PLCH2: variants seen among roughly 807,000 people sequenced by gnomAD.
The protein encoded by PLCH2 is 1-phosphatidylinositol 4,5-bisphosphate phosphodiesterase eta-2.
A neutral mutation model predicts 134.7 loss-of-function variants in PLCH2; 98 were observed. The ratio of observed to expected loss-of-function variants is 0.73; its 90% confidence interval spans 0.62 to 0.86. The LOEUF is 0.86. Ranked by LOEUF, PLCH2 falls within the 40% of genes least tolerant of loss-of-function variation. The pLI, the probability that PLCH2 is intolerant of heterozygous loss-of-function variation, is 0.00. For missense variants in PLCH2, 1,994 were observed against 1,986.6 expected, an observed-to-expected ratio of 1.00 and a Z score of -0.07; for synonymous variants, 974 against 827.5, an observed-to-expected ratio of 1.18 and a Z score of -3.04.
Position 2,445,994 on chromosome 1 carries a change from C to T in PLCH2, c.115+15365C>T, listed in dbSNP as rs148697499. ...CCTGGCCCGAGCCCCATGCCAGAGCCCCAAGAGCTGCCTGCCACCTGCTCC... is the reference window on the plus strand; with the variant it reads ...CCTGGCCCGAGCCCCATGCCAGAGCTCCAAGAGCTGCCTGCCACCTGCTCC... On this transcript the variant is annotated intron_variant, in intron 2 of 3. Transcript: ENST00000609981. 1.2e-3 allele frequency among the ~76,000 whole-genome samples: 186 copies of T among 152,308 alleles called. 2 individuals carry two copies. In the East Asian group the frequency reaches 0.029, roughly 24 times the overall value.
intron 2 of PLCH2, among the ~76,000 whole-genome samples, chr1:2,452,531 G>T (rs1218700820): frequency 6.6e-6 from 1 of 152,196 alleles, no homozygotes; most frequent in Non-Finnish European, 1.5e-5. Flanking sequence ...GGTGAGGGCT[G>T]GTGCTGAGGT....
At chr1:2,491,488 G>A (rs966862083) in intron 11 of PLCH2, among the ~76,000 whole-genome samples, 153 bp downstream of exon 11, 2 of 152,198 alleles carry the variant, frequency 1.3e-5, no homozygotes, top group Non-Finnish European at 1.5e-5. Flanking sequence ...ACACACCTCC[G>A]CACACACCTG....
chr1:2,477,970 C>T (rs369024563), intron 1 of PLCH2, among the ~76,000 whole-genome samples: 29 of 152,280 alleles, frequency 1.9e-4, no homozygotes, highest in East Asian at 1.4e-3. Context: ...AGGCCCACCC[C>T]GCCCCTGACA....
intron 1 of PLCH2, among the ~76,000 whole-genome samples, chr1:2,468,726 C>T (rs926406488): frequency 2.6e-5 from 4 of 152,194 alleles, no homozygotes; most frequent in African/African-American, 9.7e-5. Flanking sequence ...GGCATGGACA[C>T]GTGGGGTGGG....
At chr1:2,423,533 C>T (rs1638627293), upstream of PLCH2, among the ~76,000 whole-genome samples, 1 of 152,078 alleles carries the variant, frequency 6.6e-6, no homozygotes, top group Admixed American at 6.6e-5. Flanking sequence ...CCCTCAAATC[C>T]ACCTCCCCTG....
In PLCH2 at chr1:2,480,060, G is replaced by A. The variant is rs974182993; in HGVS notation, c.515+83G>A. On this transcript the variant is annotated intron_variant, in intron 3 of 21. Coordinates refer to ENST00000378486, the MANE Select transcript of PLCH2 (RefSeq NM_014638.4). ...ACCCTGGGGGGGCCTGTCCTTTGCC[G>A]GGTCACACACTGGGGAAGTGGCCGG... The A allele has an allele frequency of 3.5e-5, 55 of 1,579,052 alleles. No individual in the cohort carries two copies. The Middle Eastern group carries it at 5.1e-4, about 15-fold the overall frequency.
At chr1:2,424,477 C>T (rs2494590), upstream of PLCH2, among the ~76,000 whole-genome samples, 85,953 of 152,022 alleles carry the variant, frequency 0.57, 25,093 homozygotes, top group East Asian at 0.74. Flanking sequence ...GTATTTGTCT[C>T]CTGTGGTTTG....
At chr1:2,427,010 G>A (rs1638831079) in intron 1 of PLCH2, among the ~76,000 whole-genome samples, 1 of 152,232 alleles carries the variant, frequency 6.6e-6, no homozygotes, top group Non-Finnish European at 1.5e-5. Context: ...CCCTGGCAGA[G>A]TGGCAGAGGC....
Position 2,476,599 on chromosome 1 carries a change from C to T in PLCH2, c.11C>T (p.Pro4Leu). MSG[P>L]WPSPDSRTKG... Reference sequence around the variant, plus strand: ...GGCTGTCGTCAGGCCATGTCTGGTCCATGGCCCTCCCCCGACAGCCGGACC... The same window carrying T: ...GGCTGTCGTCAGGCCATGTCTGGTCTATGGCCCTCCCCCGACAGCCGGACC... Residue 4 changes from proline (P) to leucine (L), a missense_variant, in exon 1 of 22, where the codon CCA (proline) becomes CTA (leucine). Pro to Leu is a moderately conservative substitution (Grantham distance 98, BLOSUM62 -3). Around this residue, in one of 2 missense-constraint regions of PLCH2, gnomAD observed 1,094 missense variants for 1,234.3 expected, o/e 0.89. Transcript: ENST00000378486. 6.4e-7 allele frequency: 1 copy of T among 1,572,222 alleles called. No homozygotes were observed. Among genetic ancestry groups the T allele is most frequent in the Non-Finnish European group, 8.6e-7 (1 of 1,162,974 alleles).
chr1:2,478,728 A>C, intron 2 of PLCH2, 106 bp downstream of exon 2: 1 of 1,135,656 alleles, frequency 8.8e-7, no homozygotes, highest in Non-Finnish European at 1.3e-6. Flanking sequence ...GCGAGACCCT[A>C]GGCCTGGACA....
rs1301908041 is a variant in PLCH2 at position 2,504,814 on chromosome 1, A to G, written c.3852A>G (p.Gly1284=). 4 of 1,611,024 alleles carry G rather than the reference A, an allele frequency of 2.5e-6. No individual in the cohort carries two copies. The highest frequency in any genetic ancestry group is 1.3e-5 in the African/African-American group (1 of 74,892). ...TGAGCCACAGCCTGGGCCTCCCGGG[A>G]GGGACACGGCGGGTGTCGGGGCCAG... The part of the protein sequence containing the change: ...RRLSHSLGLP[G]GTRRVSGPGV... The change falls in exon 22 of 22, where the codon GGA becomes GGG. Residue 1284 remains glycine (G), a synonymous_variant. Coordinates refer to ENST00000378486, the MANE Select transcript of PLCH2 (RefSeq NM_014638.4).
In PLCH2 at chr1:2,494,929, G is replaced by T; in HGVS notation, c.1733G>T (p.Gly578Val). 2 of 1,598,360 alleles carry T rather than the reference G, an allele frequency of 1.3e-6. No individual in the cohort carries two copies. Among genetic ancestry groups the T allele is most frequent in the East Asian group, 2.3e-5 (1 of 44,360 alleles). Residue 578 changes from glycine (G) to valine (V), a missense_variant, in exon 12 of 22, where the codon GGA (glycine) becomes GTA (valine). Physicochemically the swap from Gly to Val is moderately radical, Grantham distance 109. Transcript: ENST00000378486. ...AGACGCAATGGCCGCCTCGTCGTGG[G>T]AAGCTTCTCCAGGCGCAAGGTCCGG... ...ASRRNGRLVV[G>V]SFSRRKKKGS...
At chr1:2,459,789 C>A (rs945756776) in intron 2 of PLCH2, among the ~76,000 whole-genome samples, 1 of 152,264 alleles carries the variant, frequency 6.6e-6, no homozygotes, top group Admixed American at 6.5e-5. Context: ...GCAGTGCTGG[C>A]GCGTGGGGAA....
At chr1:2,442,566 C>A (rs1425510128) in intron 2 of PLCH2, among the ~76,000 whole-genome samples, 1 of 152,228 alleles carries the variant, frequency 6.6e-6, no homozygotes, top group Non-Finnish European at 1.5e-5. Context: ...TGGCCTGTGC[C>A]CCTTTCTCAG....
chr1:2,476,801 G>A (rs1009181065), intron 1 of PLCH2, 89 bp downstream of exon 1: 10 of 1,357,332 alleles, frequency 7.4e-6, no homozygotes, highest in African/African-American at 1.5e-5. Context: ...GGTGGGGGAA[G>A]CCTGGGCCTC....
In PLCH2 at chr1:2,499,697, G is replaced by A. The variant is rs994463760; in HGVS notation, c.2638G>A (p.Ala880Thr). The A allele has an allele frequency of 1.9e-6, 3 of 1,594,424 alleles. No individual in the cohort carries two copies. The highest frequency in any genetic ancestry group is 1.3e-5 in the African/African-American group (1 of 74,486). The change falls in exon 20 of 22, where the codon GCT (alanine) becomes ACT (threonine). Residue 880 changes from alanine to threonine, a missense_variant. Physicochemically the swap from Ala to Thr is moderately conservative, Grantham distance 58. Around this residue, in one of 2 missense-constraint regions of PLCH2, gnomAD observed 1,094 missense variants for 1,234.3 expected, o/e 0.89. Transcript: ENST00000378486. ...MEEASIFVHV[A>T]VSDISGKVKQ... ...AGAGGCCTCCATCTTCGTGCATGTG[G>A]CTGTCAGTGACATCAGCGGTAAGGT...
At position 2,494,915 on chromosome 1, in the gene PLCH2, C is replaced by T. The variant is rs1395810203; in HGVS notation, c.1719C>T (p.Gly573=). 5.6e-6 allele frequency: 9 copies of T among 1,602,718 alleles called. No homozygotes were observed. Among genetic ancestry groups the T allele is most frequent in the East Asian group, 2.2e-5 (1 of 44,538 alleles). Residue 573 remains glycine, a synonymous_variant, in exon 12 of 22, where the codon GGC becomes GGT. Coordinates refer to ENST00000378486, the MANE Select transcript of PLCH2 (RefSeq NM_014638.4). ...GEDAGASRRN[G]RLVVGSFSRR... ...ATGCCGGGGCCAGCAGACGCAATGG[C>T]CGCCTCGTCGTGGGAAGCTTCTCCA... is the stretch of plus-strand genomic sequence containing the variant.
rs1557992147 is a variant in PLCH2, at chr1:2,476,632, CGGT to C, written c.47_49del (p.Val16del). On this transcript the variant is annotated inframe_deletion, in exon 1 of 22. Transcript: ENST00000378486. ...TCCCCCGACAGCCGGACCAAGGGAA[CGGT>C]GGCCTGGCTGGCGGAGGTACTCCTC... is the stretch of plus-strand genomic sequence containing the variant. 6.2e-7 allele frequency: 1 copy of C among 1,603,876 alleles called. No homozygotes were observed. Among genetic ancestry groups the C allele is most frequent in the Non-Finnish European group, 8.5e-7 (1 of 1,176,482 alleles).
chr1:2,463,576 C>T (rs768064406), upstream of PLCH2, among the ~76,000 whole-genome samples: 1 of 152,222 alleles, frequency 6.6e-6, no homozygotes, highest in African/African-American at 2.4e-5. Flanking sequence ...ACACCGCTGG[C>T]GGGAGGCGGT....
Sources: allele counts gnomAD v4.1 joint callset (sites outside exome capture counted in the v4.1 genomes callset), GRCh38; gene constraint gnomAD v4.1.1; regional missense constraint gnomAD v4.1.1; transcripts MANE v1.5; gene names NCBI Gene and HGNC (gene_info 2026-07-23, HGNC 2026-07-21).